Variants in ITPR1 observed in about 807,000 individuals in gnomAD.
ITPR1 encodes inositol 1,4,5-trisphosphate-gated calcium channel ITPR1.
ITPR1 carries 96 observed loss-of-function variants against 318.4 expected under a neutral mutation model. That is an observed-to-expected ratio of 0.30 (90% CI 0.26 to 0.36). ITPR1 has a LOEUF of 0.36. ITPR1 is among the 10% of genes least tolerant of loss of function. The pLI is 1.00. For missense variants in ITPR1, 2,440 were observed against 3,460.2 expected (o/e 0.71, Z 7.40); for synonymous variants, 1,312 against 1,289.9 (o/e 1.02, Z -0.37).
In ITPR1 at chr3:4,701,320, C is replaced by G. The variant is rs375829508; in HGVS notation, c.4536+1379C>G. Among the ~76,000 whole-genome samples, 25 of 152,266 alleles carry G rather than the reference C, an allele frequency of 1.6e-4. No homozygotes were observed. In the East Asian group the frequency reaches 4.2e-3, roughly 26 times the overall value. On this transcript the variant is annotated intron_variant, in intron 35 of 61. Transcript: ENST00000649015. Reference sequence around the variant, plus strand: ...TTCCTTCACAGGGTGATGGTGAAGGCTAAATATGTATAAAGTGCTTAGCAC... The same window carrying G: ...TTCCTTCACAGGGTGATGGTGAAGGGTAAATATGTATAAAGTGCTTAGCAC...
intron 42 of ITPR1, among the ~76,000 whole-genome samples, chr3:4,731,007 C>G (rs1048946027): frequency 6.6e-6 from 1 of 152,190 alleles, no homozygotes; most frequent in African/African-American, 2.4e-5. Flanking sequence ...CCAATCACTC[C>G]TGTTGCTGGA....
At chr3:4,589,002 A>G (rs1252021183) in intron 4 of ITPR1, among the ~76,000 whole-genome samples, 1 of 152,092 alleles carries the variant, frequency 6.6e-6, no homozygotes, top group African/African-American at 2.4e-5. Context: ...ATTGTTTCCC[A>G]GACTTCTTTG....
chr3:4,792,705 G>C (rs2047649247), intron 52 of ITPR1, among the ~76,000 whole-genome samples: 1 of 152,164 alleles, frequency 6.6e-6, no homozygotes, highest in Non-Finnish European at 1.5e-5. Flanking sequence ...CAGAGGGAGA[G>C]GGAGAGAGAG....
Position 4,819,024 on chromosome 3 carries a change from G to T in ITPR1, c.8028+782G>T, listed in dbSNP as rs372120662. Among the ~76,000 whole-genome samples the T allele has an allele frequency of 4.6e-5, 7 of 152,224 alleles. No individual in the cohort carries two copies. The East Asian group carries it at 1.2e-3, about 25-fold the overall frequency. On this transcript the variant is annotated intron_variant, in intron 60 of 61. Transcript: ENST00000649015. ...ACGCTGGCTGCCTCTGAGGAGAAGG[G>T]GCCAACTCTCCTTCCAGTTACCAAG... is the stretch of plus-strand genomic sequence containing the variant.
chr3:4,709,229 G>A (rs1319360808), intron 37 of ITPR1, among the ~76,000 whole-genome samples: 1 of 152,114 alleles, frequency 6.6e-6, no homozygotes, highest in Admixed American at 6.5e-5. Context: ...ATGAACTAAG[G>A]GATGTTGCAA....
chr3:4,661,226 G>T, intron 14 of ITPR1, 139 bp downstream of exon 14: 1 of 538,066 alleles, frequency 1.9e-6, no homozygotes, highest in South Asian at 3.0e-5. Context: ...ACTTGAATGT[G>T]ACAAAAGAAT....
At chr3:4,825,675 G>T (rs1252997826) in intron 60 of ITPR1, 17 of 454,010 alleles carry the variant, frequency 3.7e-5, no homozygotes, top group Non-Finnish European at 6.2e-5. Context: ...AAGGGCAAAA[G>T]ATCAAAATGG....
intron 42 of ITPR1, among the ~76,000 whole-genome samples, chr3:4,732,504 G>A (rs1448609937): frequency 6.6e-6 from 1 of 151,808 alleles, no homozygotes; most frequent in Admixed American, 6.6e-5. Flanking sequence ...TTATATATTT[G>A]ATATCTGCCA....
intron 31 of ITPR1, 47 bp from the exon 32 acceptor site, chr3:4,691,097 C>A: frequency 1.5e-6 from 2 of 1,348,558 alleles, no homozygotes; most frequent in South Asian, 1.5e-5. Context: ...TCTGTTCTGT[C>A]AGCTTTTTGA....
intron 44 of ITPR1, among the ~76,000 whole-genome samples, chr3:4,760,283 C>T (rs3792498): frequency 0.77 from 116,714 of 152,268 alleles, 44,793 homozygotes; most frequent in East Asian, 0.92. Context: ...GATTTGGAGA[C>T]GACTGGAGGG....
chr3:4,694,904 G>A (rs994054189), intron 33 of ITPR1, among the ~76,000 whole-genome samples: 12 of 152,124 alleles, frequency 7.9e-5, no homozygotes, highest in African/African-American at 2.7e-4. Context: ...AATTTATTAT[G>A]TTCTTGTGTA....
chr3:4,667,462 A>T lies in ITPR1; in HGVS notation c.1799A>T (p.His600Leu). 1 of 1,613,840 alleles carries T rather than the reference A, an allele frequency of 6.2e-7. No individual in the cohort carries two copies. Among genetic ancestry groups the T allele is most frequent in the South Asian group, 1.1e-5 (1 of 91,036 alleles). The change falls in exon 18 of 62, where the codon CAC becomes CTC. Residue 600 changes from histidine to leucine, a missense_variant. His to Leu is a moderately conservative substitution (Grantham distance 99, BLOSUM62 -3). This residue lies in a region of ITPR1 where 478 missense variants were observed against 696.3 expected (regional missense o/e 0.69). Coordinates refer to ENST00000649015, the MANE Select transcript of ITPR1 (RefSeq NM_001378452.1). ...GAAGACACTATCACTGCCCTGCTCCACAATAATCGGAAACTCCTGGAAAAA... is the reference window on the plus strand; with the variant it reads ...GAAGACACTATCACTGCCCTGCTCCTCAATAATCGGAAACTCCTGGAAAAA... Reference protein sequence around the residue: ...LAEDTITALLHNNRKLLEKHI... With the variant: ...LAEDTITALLLNNRKLLEKHI...
At chr3:4,534,879 A>T (rs1477306678) in intron 4 of ITPR1, among the ~76,000 whole-genome samples, 1 of 152,172 alleles carries the variant, frequency 6.6e-6, no homozygotes, top group Non-Finnish European at 1.5e-5. Context: ...GAATAACCCA[A>T]CTTAGGTTTA....
chr3:4,502,948 G>A (rs1336225867), intron 2 of ITPR1, among the ~76,000 whole-genome samples: 1 of 152,004 alleles, frequency 6.6e-6, no homozygotes, highest in East Asian at 2.0e-4. Flanking sequence ...AGCTGGGCAT[G>A]ATGGTGGGCA....
chr3:4,800,719 A>G (rs1287686820), intron 54 of ITPR1, 119 bp downstream of exon 54: 1 of 1,066,730 alleles, frequency 9.4e-7, no homozygotes, highest in Non-Finnish European at 1.4e-6. Context: ...GTTTGGGGCA[A>G]CTGTTTAAAT....
chr3:4,741,109 G>A (rs577156880), intron 44 of ITPR1, among the ~76,000 whole-genome samples: 1 of 152,244 alleles, frequency 6.6e-6, no homozygotes, highest in Non-Finnish European at 1.5e-5. Flanking sequence ...AGCGCCTGGG[G>A]GAAGTTCCCT....
intron 44 of ITPR1, among the ~76,000 whole-genome samples, chr3:4,754,257 C>A (rs76606651): frequency 0.021 from 3,135 of 152,246 alleles, 108 homozygotes; most frequent in African/African-American, 0.072. Context: ...TCGCTCTCCA[C>A]GATGCAGATT....
chr3:4,843,082 T>G (rs2051479327), intron 61 of ITPR1, among the ~76,000 whole-genome samples: 1 of 149,270 alleles, frequency 6.7e-6, no homozygotes, highest in Admixed American at 6.7e-5. Flanking sequence ...GGGTTTTTTT[T>G]TTTTTTTTTT....
intron 32 of ITPR1, among the ~76,000 whole-genome samples, chr3:4,692,510 T>C (rs1386093913): frequency 1.3e-5 from 2 of 152,224 alleles, no homozygotes; most frequent in East Asian, 1.9e-4. Flanking sequence ...CTAAAGAGTT[T>C]ATCTTGGTAT....
Sources: gnomAD v4.1 joint callset for allele counts (sites outside exome capture counted in the v4.1 genomes callset) on GRCh38, gnomAD v4.1.1 for gene constraint, gnomAD v4.1.1 regional missense constraint, MANE v1.5 for transcripts, NCBI Gene and HGNC (gene_info 2026-07-23, HGNC 2026-07-21) for gene names.